The following ZNF217 variants were observed in gnomAD, a reference collection of about 807,000 sequenced individuals.
The protein encoded by ZNF217 is zinc finger protein 217.
In ZNF217, 12 loss-of-function variants were observed where a neutral mutation model predicts 73.3. That is an observed-to-expected ratio of 0.16 (90% CI 0.10 to 0.27). ZNF217 has a LOEUF of 0.27. ZNF217 is among the 10% of genes least tolerant of loss of function. ZNF217 has a pLI of 1.00. For missense variants in ZNF217, 1,195 were observed against 1,327.8 expected, an observed-to-expected ratio of 0.90 and a Z score of 1.55; for synonymous variants, 588 against 516.4, an observed-to-expected ratio of 1.14 and a Z score of -1.88.
At chr20:53,580,482 C>G (rs1293049700) in intron 2 of ZNF217, among the ~76,000 whole-genome samples, 1 of 152,162 alleles carries the variant, frequency 6.6e-6, no homozygotes, top group Non-Finnish European at 1.5e-5. Context: ...ATCCTCTATT[C>G]AAACAAAATA....
chr20:53,579,190 C>G (rs1044061161), intron 2 of ZNF217, among the ~76,000 whole-genome samples: 1 of 152,162 alleles, frequency 6.6e-6, no homozygotes, highest in African/African-American at 2.4e-5. Context: ...TTAGAGTCCA[C>G]TGGAAGGAGG....
rs199793700 is a variant in ZNF217 at position 53,583,771 on chromosome 20, G to C, written c.-342-603C>G. ...CATTCAAGAAATACTTAACACCTCA[G>C]AATGGTCACTCATCTTGGCCAGGGG... On this transcript the variant is annotated intron_variant, in intron 1 of 5. Transcript: ENST00000371471. Among the ~76,000 whole-genome samples, 18 of 152,358 alleles carry C rather than the reference G, an allele frequency of 1.2e-4. No individual in the cohort carries two copies. The East Asian group carries it at 3.5e-3, about 29-fold the overall frequency.
chr20:53,571,947 ACT>A (rs1988030213), intron 4 of ZNF217, 94 bp from the exon 5 acceptor site: 1 of 1,300,334 alleles, frequency 7.7e-7, no homozygotes, highest in Admixed American at 2.9e-5. Context: ...AATTTCTGAC[ACT>A]GATAATGTAA....
intron 4 of ZNF217, 56 bp downstream of exon 4, chr20:53,575,671 A>G: frequency 6.8e-7 from 1 of 1,469,368 alleles, no homozygotes; most frequent in South Asian, 1.4e-5. Context: ...GAATGCCTGG[A>G]TTAGCTATTA....
upstream of ZNF217, among the ~76,000 whole-genome samples, chr20:53,594,752 C>T (rs1467199821): frequency 1.3e-5 from 2 of 152,212 alleles, no homozygotes; most frequent in Non-Finnish European, 2.9e-5. Context: ...GCCCGAACCC[C>T]TGGGTCACCC....
At chr20:53,586,219 A>T (rs1256353787) in intron 1 of ZNF217, among the ~76,000 whole-genome samples, 1 of 152,184 alleles carries the variant, frequency 6.6e-6, no homozygotes, top group African/African-American at 2.4e-5. Context: ...GGCACTCGAC[A>T]CATAGCTGGT....
At chr20:53,575,392 G>C (rs937879822) in intron 4 of ZNF217, 1 of 192,436 alleles carries the variant, frequency 5.2e-6, no homozygotes, top group Non-Finnish European at 1.1e-5. Flanking sequence ...AGGATCTCTT[G>C]AACTCAGGAA....
At chr20:53,577,880 G>T (rs1988341159) in intron 3 of ZNF217, among the ~76,000 whole-genome samples, 1 of 152,228 alleles carries the variant, frequency 6.6e-6, no homozygotes, top group Non-Finnish European at 1.5e-5. Context: ...GGGAGGCCAA[G>T]GTGAGCGGAT....
intron 1 of ZNF217, among the ~76,000 whole-genome samples, chr20:53,585,609 T>G (rs1988668114): frequency 6.6e-6 from 1 of 152,184 alleles, no homozygotes. Context: ...ATAACTTAGT[T>G]ACTGAAAATA....
chr20:53,577,433 A>T (rs1176992166), intron 3 of ZNF217, among the ~76,000 whole-genome samples, 153 bp from the exon 4 acceptor site: 1 of 152,198 alleles, frequency 6.6e-6, no homozygotes, highest in African/African-American at 2.4e-5. Flanking sequence ...TATCATCCTT[A>T]CTGTAATGAA....
At chr20:53,596,041 G>T (rs547284210), upstream of ZNF217, among the ~76,000 whole-genome samples, 173 of 152,174 alleles carry the variant, frequency 1.1e-3, no homozygotes, top group Middle Eastern at 0.01. Context: ...ACTTTTCAGG[G>T]GGAATAGGGA....
intron 1 of ZNF217, among the ~76,000 whole-genome samples, chr20:53,589,554 A>G (rs906753841): frequency 2.6e-5 from 4 of 152,184 alleles, no homozygotes; most frequent in Non-Finnish European, 5.9e-5. Context: ...TGTGTACAAG[A>G]ATTGAGCATG....
In ZNF217 at chr20:53,575,969, G is replaced by C; in HGVS notation, c.2795C>G (p.Pro932Arg). The C allele has an allele frequency of 2.5e-6, 4 of 1,614,154 alleles. No individual in the cohort carries two copies. Among genetic ancestry groups the C allele is most frequent in the Non-Finnish European group, 3.4e-6 (4 of 1,180,036 alleles). ...SSVVALDVDQ[P>R]GANYRRGYDL... Reference sequence around the variant, plus strand: ...ATAGCCTCTTCTGTAATTGGCCCCGGGCTGGTCAACGTCAAGGGCAACCAC... The same window carrying C: ...ATAGCCTCTTCTGTAATTGGCCCCGCGCTGGTCAACGTCAAGGGCAACCAC... The change falls in exon 4 of 6, where the codon CCC (proline) becomes CGC (arginine). Residue 932 changes from proline to arginine, a missense_variant. By Grantham distance (103) the Pro-to-Arg change is moderately radical. Around this residue, in one of 9 missense-constraint regions of ZNF217, gnomAD observed 649 missense variants for 642.8 expected, o/e 1.01. Transcript: ENST00000371471.
At chr20:53,578,499 T>C (rs752311155) in intron 2 of ZNF217, 49 bp from the exon 3 acceptor site, 2 of 1,173,548 alleles carry the variant, frequency 1.7e-6, no homozygotes, top group Non-Finnish European at 1.2e-6. Flanking sequence ...CTGAAGTACC[T>C]GAATAAGGCA....
At position 53,581,781 on chromosome 20, in the gene ZNF217, T is replaced by C. The variant is rs751475352; in HGVS notation, c.1046A>G (p.Glu349Gly). The C allele has an allele frequency of 1.2e-6, 2 of 1,614,258 alleles. No homozygotes were observed. Among genetic ancestry groups the C allele is most frequent in the South Asian group, 2.2e-5 (2 of 91,090 alleles). ...GSCAGLSQEK[E>G]KCKHSHGEAP... ...TTCGCCGTGGGAGTGTTTGCACTTC[T>C]CTTTCTCTTGCGAGAGGCCTGCACA... Residue 349 changes from glutamate to glycine, a missense_variant, in exon 2 of 6, where the codon GAG becomes GGG. Glu to Gly is a moderately conservative substitution (Grantham distance 98, BLOSUM62 -2). Coordinates refer to ENST00000371471, the MANE Select transcript of ZNF217 (RefSeq NM_006526.3). This position sits in a 1 kb window ranked among gnomAD's most constrained non-coding sequence, Gnocchi z 4.9.
chr20:53,586,279 G>A (rs116959543), intron 1 of ZNF217, among the ~76,000 whole-genome samples: 1 of 152,182 alleles, frequency 6.6e-6, no homozygotes, highest in Non-Finnish European at 1.5e-5. Context: ...ACACACGTTT[G>A]GCCACAGTCA....
rs1296069848 is a variant in ZNF217, at chr20:53,582,277, C to G, written c.550G>C (p.Ala184Pro). ...AAGCCTTGCTGCAGTTTGCTTCTGG[C>G]CCCCGATTTGCCATTATGTGTCCGC... ...HMRTHNGKSGARSKLQQGLES... is the reference protein window; with the variant it reads ...HMRTHNGKSGPRSKLQQGLES... Residue 184 changes from alanine to proline, a missense_variant, in exon 2 of 6, where the codon GCC becomes CCC. Ala to Pro is a conservative substitution (Grantham distance 27, BLOSUM62 -1). Coordinates refer to ENST00000371471, the MANE Select transcript of ZNF217 (RefSeq NM_006526.3). The surrounding 1 kb of genome is among the most constrained non-coding windows in gnomAD (Gnocchi z 4.8). 6 of 1,614,026 alleles carry G rather than the reference C, an allele frequency of 3.7e-6. No individual in the cohort carries two copies. The highest frequency in any genetic ancestry group is 2.5e-6 in the Non-Finnish European group (3 of 1,180,036).
Position 53,577,616 on chromosome 20 carries a change from T to C in ZNF217, c.1484-336A>G, listed in dbSNP as rs74437305. Among the ~76,000 whole-genome samples the C allele has an allele frequency of 3.6e-3, 555 of 152,326 alleles. 1 individual carries two copies. The highest frequency in any genetic ancestry group is 6.1e-3 in the Non-Finnish European group (414 of 68,038). The stretch of plus-strand genomic sequence containing the variant: ...TGCCCAAGGGTGCACAGATAGTAAG[T>C]GGAAGAGATGAAATTTCAAATCTAC... On this transcript the variant is annotated intron_variant, in intron 3 of 5. Transcript: ENST00000371471.
At chr20:53,592,520 C>A (rs1469581284) in intron 1 of ZNF217, among the ~76,000 whole-genome samples, 2 of 149,004 alleles carry the variant, frequency 1.3e-5, no homozygotes, top group Non-Finnish European at 3.0e-5. Context: ...ACCCCACCCC[C>A]ACCCGCCCAA....
Sources: allele counts gnomAD v4.1 joint callset (sites outside exome capture counted in the v4.1 genomes callset), GRCh38; gene constraint gnomAD v4.1.1; regional missense constraint gnomAD v4.1.1; non-coding constraint Gnocchi (gnomAD v3.1); transcripts MANE v1.5; gene names NCBI Gene and HGNC (gene_info 2026-07-23, HGNC 2026-07-21).